Variants in ANGPT1 observed in about 807,000 individuals in gnomAD.
ANGPT1 encodes the protein angiopoietin-1.
Under a neutral mutation model 62.2 loss-of-function variants are expected in ANGPT1, and 17 were observed. The observed-to-expected ratio is 0.27, with a 90% confidence interval of 0.19 to 0.41. ANGPT1 has a LOEUF of 0.41. ANGPT1 is among the 10% of genes least tolerant of loss of function. ANGPT1 has a pLI of 1.00. For missense variants in ANGPT1, 478 were observed against 594.9 expected (o/e 0.80, Z 2.04); for synonymous variants, 199 against 198.9 (o/e 1.00, Z 0.00).
intron 1 of ANGPT1, among the ~76,000 whole-genome samples, chr8:107,413,181 A>G (rs576599469): frequency 5.3e-5 from 8 of 152,136 alleles, no homozygotes; most frequent in Non-Finnish European, 1.2e-4. Flanking sequence ...AATTTAGCCT[A>G]TGATCACTTT....
rs1282367010 is a variant in ANGPT1, at chr8:107,370,399, A to AG, written c.298-23303dup. On this transcript the variant is annotated intron_variant, in intron 1 of 8. Transcript: ENST00000517746. ...AAGAAAGAAAGAAAGAAAGAAAGAAAGAAAGAAAGAGTCAGGGTCAGTGGC... is the reference window on the plus strand; with the variant it reads ...AAGAAAGAAAGAAAGAAAGAAAGAAAGGAAAGAAAGAGTCAGGGTCAGTGGC... Among the ~76,000 whole-genome samples, 221 of 55,900 alleles carry AG rather than the reference A, an allele frequency of 4.0e-3. 34 individuals carry two copies. The highest frequency in any genetic ancestry group is 8.7e-3 in the African/African-American group (211 of 24,202). 36.7% of individuals were successfully genotyped at this position (55,900 alleles called of 152,430 possible). A position where few individuals can be genotyped will look rare whatever the true frequency, so the allele number is the denominator to read the frequency against.
At chr8:107,292,778 T>G (rs186865797) in intron 6 of ANGPT1, among the ~76,000 whole-genome samples, 1 of 152,316 alleles carries the variant, frequency 6.6e-6, no homozygotes, top group African/African-American at 2.4e-5. Flanking sequence ...TTTGACCAAC[T>G]ATGAGCCTAT....
At chr8:107,345,676 C>T (rs966495197) in intron 2 of ANGPT1, among the ~76,000 whole-genome samples, 1 of 152,210 alleles carries the variant, frequency 6.6e-6, no homozygotes, top group East Asian at 1.9e-4. Context: ...AATACAGTCA[C>T]ATTATTTATA....
intron 2 of ANGPT1, among the ~76,000 whole-genome samples, chr8:107,338,568 G>A (rs761852968): frequency 2.0e-5 from 3 of 152,194 alleles, no homozygotes; most frequent in African/African-American, 4.8e-5. Context: ...CTGAAAGCCC[G>A]TCTAAAATGT....
chr8:107,422,018 C>A (rs1385666654), intron 1 of ANGPT1, among the ~76,000 whole-genome samples: 1 of 152,190 alleles, frequency 6.6e-6, no homozygotes, highest in Non-Finnish European at 1.5e-5. Flanking sequence ...AGAACACATT[C>A]TTTCAGTCAT....
chr8:107,295,220 C>G (rs1054103265), intron 5 of ANGPT1: 1 of 152,088 alleles, frequency 6.6e-6, no homozygotes, highest in Non-Finnish European at 1.5e-5. Context: ...AAGGCTCTCG[C>G]CCTACTTTGA....
At chr8:107,412,816 T>C (rs977549109) in intron 1 of ANGPT1, among the ~76,000 whole-genome samples, 2 of 152,178 alleles carry the variant, frequency 1.3e-5, no homozygotes, top group Non-Finnish European at 1.5e-5. Flanking sequence ...CTTTGGTATT[T>C]GCCTGCCTGG....
chr8:107,443,885 A>G (rs932186149), intron 1 of ANGPT1, among the ~76,000 whole-genome samples: 15 of 152,012 alleles, frequency 9.9e-5, no homozygotes, highest in African/African-American at 3.6e-4. Flanking sequence ...AGATTGGATC[A>G]TTGGTATTGG....
intron 7 of ANGPT1, among the ~76,000 whole-genome samples, chr8:107,270,953 TA>T (rs1483797834): frequency 6.6e-6 from 1 of 152,008 alleles, no homozygotes; most frequent in Admixed American, 6.6e-5. Flanking sequence ...TATAGATATC[TA>T]AAAACATTTT....
chr8:107,402,067 G>T (rs1252484522), intron 1 of ANGPT1, among the ~76,000 whole-genome samples: 1 of 152,068 alleles, frequency 6.6e-6, no homozygotes, highest in Non-Finnish European at 1.5e-5. Flanking sequence ...TAATGTCTGG[G>T]GTGATAAAGA....
intron 6 of ANGPT1, among the ~76,000 whole-genome samples, chr8:107,286,513 C>A (rs1814145087): frequency 6.6e-6 from 1 of 152,014 alleles, no homozygotes; most frequent in South Asian, 2.1e-4. Context: ...TAGGAAAGAA[C>A]TGATGACACA....
At chr8:107,478,864 A>G (rs1339187215) in intron 1 of ANGPT1, among the ~76,000 whole-genome samples, 1 of 152,064 alleles carries the variant, frequency 6.6e-6, no homozygotes, top group Admixed American at 6.6e-5. Flanking sequence ...ATCCTAAAGT[A>G]TCTGTCCCAG....
intron 4 of ANGPT1, among the ~76,000 whole-genome samples, chr8:107,316,622 C>G (rs962472019): frequency 6.6e-6 from 1 of 152,114 alleles, no homozygotes. Flanking sequence ...TTTTGTAAAA[C>G]ACAAATATCA....
rs556721386 is a variant in ANGPT1 at position 107,340,255 on chromosome 8, G to A, written c.454-3984C>T. Among the ~76,000 whole-genome samples the A allele has an allele frequency of 5.3e-5, 8 of 152,244 alleles. No homozygotes were observed. The East Asian group carries it at 1.5e-3, about 29-fold the overall frequency. ...ATTTTTAAATAAGAAGAAGGAAAAG[G>A]AGTAAAGCGTATGTGAAACATGCCC... On this transcript the variant is annotated intron_variant, in intron 2 of 8. Transcript: ENST00000517746.
chr8:107,410,476 A>G (rs1304272224), intron 1 of ANGPT1, among the ~76,000 whole-genome samples: 1 of 152,150 alleles, frequency 6.6e-6, no homozygotes, highest in Non-Finnish European at 1.5e-5. Context: ...TATGAGCATC[A>G]AAAACTTGTG....
chr8:107,249,853 G>A lies in ANGPT1; in HGVS notation c.*2002C>T, dbSNP rs578227289. 1 of 152,272 alleles carries A rather than the reference G, an allele frequency of 6.6e-6. No individual in the cohort carries two copies. The highest frequency in any genetic ancestry group is 2.4e-5 in the African/African-American group (1 of 41,452). 9.4% of individuals were successfully genotyped at this position (152,272 alleles called of 1,614,324 possible). ...AACTGGTTTAAGAAAGTGTCTGTAGGAACACAAAAGGACAAAATACTCATT... is the reference window on the plus strand; with the variant it reads ...AACTGGTTTAAGAAAGTGTCTGTAGAAACACAAAAGGACAAAATACTCATT... On this transcript the variant is annotated 3_prime_UTR_variant, in exon 9 of 9. Coordinates refer to ENST00000517746, the MANE Select transcript of ANGPT1 (RefSeq NM_001146.5).
chr8:107,252,160 T>C (rs779175753), intron 8 of ANGPT1, 145 bp from the exon 9 acceptor site: 1 of 809,034 alleles, frequency 1.2e-6, no homozygotes, highest in South Asian at 1.8e-5. Flanking sequence ...TCAGTAAATA[T>C]ATTCCCAGTA....
At chr8:107,474,402 G>A (rs201578814) in intron 1 of ANGPT1, among the ~76,000 whole-genome samples, 2 of 151,972 alleles carry the variant, frequency 1.3e-5, no homozygotes, top group East Asian at 1.9e-4. Flanking sequence ...TTCTAAAAAC[G>A]CTCAATAAAT....
At chr8:107,430,679 AG>A (rs1241789596) in intron 1 of ANGPT1, among the ~76,000 whole-genome samples, 1 of 152,176 alleles carries the variant, frequency 6.6e-6, no homozygotes, top group Non-Finnish European at 1.5e-5. Context: ...TGGAAGCAAG[AG>A]GTTATACTGA....
Sources: gnomAD v4.1 joint callset for allele counts (sites outside exome capture counted in the v4.1 genomes callset) on GRCh38, gnomAD v4.1.1 for gene constraint, MANE v1.5 for transcripts, NCBI Gene and HGNC (gene_info 2026-07-23, HGNC 2026-07-21) for gene names.